The following EDN1 variants were observed in gnomAD, a reference collection of about 807,000 sequenced individuals.
EDN1 encodes endothelin-1.
In EDN1, 11 loss-of-function variants were observed where a neutral mutation model predicts 21.7. That is an observed-to-expected ratio of 0.51 (90% CI 0.32 to 0.84). The LOEUF (loss-of-function observed/expected upper bound fraction) is 0.84, where lower values mean the gene tolerates loss of function less well. Among genes scored for constraint, EDN1 ranks in the 40% least tolerant of loss-of-function variants. The pLI, the probability that EDN1 is intolerant of heterozygous loss-of-function variation, is 0.03. For synonymous variants in EDN1, 85 were observed against 90.6 expected (o/e 0.94, Z 0.35); for missense variants, 244 against 262.3 (o/e 0.93, Z 0.48).
the EDN1 span, among the ~76,000 whole-genome samples, chr6:12,258,856 C>CA: frequency 6.6e-6 from 1 of 152,174 alleles, no homozygotes; most frequent in African/African-American, 2.4e-5. Context: ...ACTGAGCATT[C>CA]ATTCAACATC....
At chr6:12,234,541 T>G in the EDN1 span, among the ~76,000 whole-genome samples, 1 of 152,274 alleles carries the variant, frequency 6.6e-6, no homozygotes, top group African/African-American at 2.4e-5. Flanking sequence ...CACAGACAAA[T>G]GGCTGGGCTT....
the EDN1 span, among the ~76,000 whole-genome samples, chr6:12,246,939 T>A: frequency 2.0e-5 from 3 of 152,252 alleles, no homozygotes; most frequent in Admixed American, 1.3e-4. Context: ...ATTGAACATA[T>A]GTACTTACTT....
chr6:12,280,880 A>C, the EDN1 span, among the ~76,000 whole-genome samples: 2 of 152,208 alleles, frequency 1.3e-5, no homozygotes, highest in Admixed American at 1.3e-4. Context: ...GCAACAGAGC[A>C]AGACTCCATC....
the EDN1 span, among the ~76,000 whole-genome samples, chr6:12,252,322 G>A: frequency 1.3e-5 from 2 of 152,158 alleles, no homozygotes; most frequent in South Asian, 4.1e-4. Context: ...CAAGGAAAGA[G>A]GATAAAGAAA....
the EDN1 span, among the ~76,000 whole-genome samples, chr6:12,246,798 C>G: frequency 6.6e-6 from 1 of 152,214 alleles, no homozygotes; most frequent in South Asian, 2.1e-4. Context: ...CAGTAACACT[C>G]TCATCCGTTA....
chr6:12,237,085 T>TTTCTGTC, the EDN1 span, among the ~76,000 whole-genome samples: 1 of 151,572 alleles, frequency 6.6e-6, no homozygotes, highest in African/African-American at 2.4e-5. Flanking sequence ...GGTGTTTGGT[T>TTTCTGTC]TTCTGTCCTT....
rs201516934 is a variant in EDN1 at position 12,291,226 on chromosome 6, CCCCG to C, written c.64+536_64+539del. Among the ~76,000 whole-genome samples, 693 of 105,394 alleles carry C rather than the reference CCCCG, an allele frequency of 6.6e-3. 10 individuals carry two copies. Among genetic ancestry groups the C allele is most frequent in the East Asian group, 0.024 (68 of 2,796 alleles). The allele number at this position is 105,394 out of a possible 152,430, so 69.1% of individuals were successfully genotyped here. On this transcript the variant is annotated intron_variant, in intron 1 of 4. Coordinates refer to ENST00000379375, the MANE Select transcript of EDN1 (RefSeq NM_001955.5). ...TTGACTAACTACCGCCTCCCCCCCC[CCCCG>C]CCACCACCCCCCGCAGGCGGTTTCT...
At chr6:12,258,407 A>C in the EDN1 span, among the ~76,000 whole-genome samples, 1 of 136,302 alleles carries the variant, frequency 7.3e-6, no homozygotes, top group African/African-American at 2.8e-5. Flanking sequence ...CTGTGATTGC[A>C]CCACCACATT....
At chr6:12,286,856 G>A (rs563613395), upstream of EDN1, among the ~76,000 whole-genome samples, 237 of 152,320 alleles carry the variant, frequency 1.6e-3, no homozygotes, top group Non-Finnish European at 2.6e-3. Flanking sequence ...GCTCACGCCT[G>A]TAATCACAGC....
chr6:12,257,013 C>T, the EDN1 span, among the ~76,000 whole-genome samples: 1 of 148,516 alleles, frequency 6.7e-6, no homozygotes, highest in Non-Finnish European at 1.5e-5. Context: ...ATCTCAATGA[C>T]ATATCGATAT....
At chr6:12,234,110 T>C in the EDN1 span, among the ~76,000 whole-genome samples, 39 of 152,362 alleles carry the variant, frequency 2.6e-4, 1 homozygote, top group African/African-American at 8.7e-4. Context: ...GTTAACAATG[T>C]TGAATGCACT....
At chr6:12,282,062 G>A in the EDN1 span, among the ~76,000 whole-genome samples, 1 of 152,050 alleles carries the variant, frequency 6.6e-6, no homozygotes, top group Non-Finnish European at 1.5e-5. Flanking sequence ...AGGAAAAAAT[G>A]CTAACCAGTC....
the EDN1 span, among the ~76,000 whole-genome samples, chr6:12,244,740 C>A: frequency 6.6e-6 from 1 of 152,152 alleles, no homozygotes; most frequent in Non-Finnish European, 1.5e-5. Context: ...AGGCAAATAA[C>A]GTCTTAATAT....
upstream of EDN1, among the ~76,000 whole-genome samples, chr6:12,286,456 A>G (rs938774686): frequency 2.6e-5 from 4 of 152,246 alleles, no homozygotes; most frequent in Non-Finnish European, 5.9e-5. Flanking sequence ...AGAAATGTAT[A>G]ATAGTTACCA....
chr6:12,287,216 T>TCCTTC (rs2113788986), upstream of EDN1, among the ~76,000 whole-genome samples: 1 of 151,818 alleles, frequency 6.6e-6, no homozygotes, highest in Admixed American at 6.5e-5. Flanking sequence ...ATCTCTCCCT[T>TCCTTC]CCTTCCCTTC....
At chr6:12,284,057 C>G in the EDN1 span, among the ~76,000 whole-genome samples, 1 of 152,266 alleles carries the variant, frequency 6.6e-6, no homozygotes, top group South Asian at 2.1e-4. Flanking sequence ...ATCTGTTAAT[C>G]CTCCATCAGT....
At chr6:12,275,889 A>G in the EDN1 span, among the ~76,000 whole-genome samples, 20 of 151,948 alleles carry the variant, frequency 1.3e-4, no homozygotes, top group Admixed American at 1.3e-3. Flanking sequence ...CGTGCCGGGC[A>G]TGGTGGCTCA....
At chr6:12,274,423 A>T in the EDN1 span, among the ~76,000 whole-genome samples, 1 of 152,238 alleles carries the variant, frequency 6.6e-6, no homozygotes, top group East Asian at 1.9e-4. Context: ...TTACTATATC[A>T]TGGAAAGTCC....
the EDN1 span, among the ~76,000 whole-genome samples, chr6:12,276,056 G>C: frequency 6.6e-6 from 1 of 151,442 alleles, no homozygotes; most frequent in Admixed American, 6.6e-5. Flanking sequence ...CAGCTACTCG[G>C]GAGGCTGAGG....
Sources: allele counts gnomAD v4.1 joint callset (sites outside exome capture counted in the v4.1 genomes callset), GRCh38; gene constraint gnomAD v4.1.1; transcripts MANE v1.5; gene names NCBI Gene and HGNC (gene_info 2026-07-23, HGNC 2026-07-21).